KCNQ1: variants seen among roughly 807,000 people sequenced by gnomAD.
The protein encoded by KCNQ1 is potassium voltage-gated channel subfamily Q member 1, also known as potassium voltage-gated channel subfamily KQT member 1.
In KCNQ1, 49 loss-of-function variants were observed where a neutral mutation model predicts 72.4. The ratio of observed to expected loss-of-function variants is 0.68; its 90% CI spans 0.54 to 0.86. The LOEUF (loss-of-function observed/expected upper bound fraction) is 0.86, where lower values mean the gene tolerates loss of function less well. Among genes scored for constraint, KCNQ1 ranks in the 40% least tolerant of loss-of-function variants. KCNQ1 has a pLI of 0.00. For missense variants in KCNQ1, 790 were observed against 945.1 expected (o/e 0.84, Z 2.15); for synonymous variants, 450 against 412.6 (o/e 1.09, Z -1.10).
chr11:2,584,633 G>C lies in KCNQ1; in HGVS notation c.1033-579G>C, dbSNP rs557123745. ...TGTGGGTTACTGTGTGTTAGTGTTT[G>C]TGTGTTAGTGTGTTTTTGTGTGTGT... On this transcript the variant is annotated intron_variant, in intron 7 of 15. Transcript: ENST00000155840. Among the ~76,000 whole-genome samples, 4 of 151,492 alleles carry C rather than the reference G, an allele frequency of 2.6e-5. No individual in the cohort carries two copies. In the South Asian group the frequency reaches 8.4e-4, roughly 32 times the overall value.
rs749815122 is a variant in KCNQ1, at chr11:2,579,621, G to A, written c.922-3814G>A. Among the ~76,000 whole-genome samples, 63 of 152,332 alleles carry A rather than the reference G, an allele frequency of 4.1e-4. No homozygotes were observed. Among genetic ancestry groups the A allele is most frequent in the Non-Finnish European group, 7.1e-4 (48 of 68,030 alleles). Reference sequence around the variant, plus strand: ...AACTTGAGGATGAGGGTCTGGGGCCGGGTCTGGGCAGACAGGCAGACCAGG... The same window carrying A: ...AACTTGAGGATGAGGGTCTGGGGCCAGGTCTGGGCAGACAGGCAGACCAGG... On this transcript the variant is annotated intron_variant, in intron 6 of 15. Transcript: ENST00000155840. This position sits in a 1 kb window ranked among gnomAD's most constrained non-coding sequence, Gnocchi z 6.0.
rs371833577 is a variant in KCNQ1 at position 2,772,236 on chromosome 11, A to G, written c.1590+3317A>G. ...CTGCCTGTCTGCTTGCTTGCACCCC[A>G]CCCCACCCCCGCTGGCCTCAGGGGC... On this transcript the variant is annotated intron_variant, in intron 12 of 15. Coordinates refer to ENST00000155840, the MANE Select transcript of KCNQ1 (RefSeq NM_000218.3). This position sits in a 1 kb window ranked among gnomAD's most constrained non-coding sequence, Gnocchi z 6.6. 4.7e-5 allele frequency among the ~76,000 whole-genome samples: 7 copies of G among 150,286 alleles called. No homozygotes were observed. The East Asian group carries it at 1.4e-3, about 30-fold the overall frequency.
chr11:2,650,322 T>C (rs1849737414), intron 10 of KCNQ1: 1 of 398,640 alleles, frequency 2.5e-6, no homozygotes, highest in Non-Finnish European at 4.4e-6. Context: ...TTTCTTGTTT[T>C]TTTCCCCCCA....
intron 10 of KCNQ1, among the ~76,000 whole-genome samples, chr11:2,606,875 G>GT (rs1848888269): frequency 3.5e-5 from 5 of 143,158 alleles, no homozygotes; most frequent in Admixed American, 3.5e-4. Context: ...TCACTGTTAA[G>GT]TATGATATTA....
chr11:2,754,929 A>C (rs551502420), intron 11 of KCNQ1, among the ~76,000 whole-genome samples: 5 of 152,214 alleles, frequency 3.3e-5, no homozygotes, highest in Non-Finnish European at 5.9e-5. Flanking sequence ...TGGCGATTGC[A>C]CTAGTTTTCT....
intron 11 of KCNQ1, chr11:2,694,692 T>C (rs145803049): frequency 5.8e-5 from 23 of 398,630 alleles, no homozygotes; most frequent in Middle Eastern, 6.3e-4. Context: ...AGATATGCTC[T>C]CTTGGGGCCT....
chr11:2,585,329 G>A, intron 8 of KCNQ1, 22 bp downstream of exon 8: 2 of 1,603,526 alleles, frequency 1.2e-6, no homozygotes, highest in Non-Finnish European at 1.7e-6. Context: ...GCAAGGCCCT[G>A]GTCACTGTCA....
intron 12 of KCNQ1, among the ~76,000 whole-genome samples, chr11:2,771,758 T>C (rs559278743): frequency 3.3e-5 from 5 of 152,068 alleles, no homozygotes; most frequent in Non-Finnish European, 7.4e-5. Context: ...AGAGAGATCA[T>C]CTGCGCCAGC....
At position 2,685,001 on chromosome 11, in the gene KCNQ1, C is replaced by T. The variant is rs1225964399; in HGVS notation, c.1514+22920C>T. ...TTTTACGGACTGGTTGCTTTTCATT[C>T]ATATCTTCTTGCCATCCCTGTCTCA... On this transcript the variant is annotated intron_variant, in intron 11 of 15. Coordinates refer to ENST00000155840, the MANE Select transcript of KCNQ1 (RefSeq NM_000218.3). The T allele has an allele frequency of 7.5e-6, 3 of 398,546 alleles. No individual in the cohort carries two copies. In the East Asian group the frequency reaches 1.1e-4, roughly 14 times the overall value. 24.7% of individuals were successfully genotyped at this position (398,546 alleles called of 1,614,324 possible).
intron 11 of KCNQ1, among the ~76,000 whole-genome samples, chr11:2,702,721 C>G (rs367862890): frequency 6.6e-6 from 1 of 152,194 alleles, no homozygotes; most frequent in African/African-American, 2.4e-5. Flanking sequence ...CTGTGATATT[C>G]CATGGGCACC....
chr11:2,769,127 A>C lies in KCNQ1; in HGVS notation c.1590+208A>C, dbSNP rs1181740296. Reference sequence around the variant, plus strand: ...GGCCCCTCAGAGGACCTATCCTTGGAGGCCCGGCCTGGAACCAGGGACACA... The same window carrying C: ...GGCCCCTCAGAGGACCTATCCTTGGCGGCCCGGCCTGGAACCAGGGACACA... On this transcript the variant is annotated intron_variant, in intron 12 of 15. Transcript: ENST00000155840. This position sits in a 1 kb window ranked among gnomAD's most constrained non-coding sequence, Gnocchi z 4.6. 6.6e-6 allele frequency among the ~76,000 whole-genome samples: 1 copy of C among 152,044 alleles called. No homozygotes were observed. The highest frequency in any genetic ancestry group is 1.5e-5 in the Non-Finnish European group (1 of 68,012).
rs565241613 is a variant in KCNQ1, at chr11:2,543,349, C to T, written c.477+15331C>T. Among the ~76,000 whole-genome samples the T allele has an allele frequency of 5.9e-5, 9 of 152,212 alleles. No individual in the cohort carries two copies. The South Asian group carries it at 1.9e-3, about 32-fold the overall frequency. ...AGTGCAGTGGCGTAAACGTAGCTCACTGCAACCTCGAATTCCTGGGCTCCG... is the reference window on the plus strand; with the variant it reads ...AGTGCAGTGGCGTAAACGTAGCTCATTGCAACCTCGAATTCCTGGGCTCCG... On this transcript the variant is annotated intron_variant, in intron 2 of 15. Coordinates refer to ENST00000155840, the MANE Select transcript of KCNQ1 (RefSeq NM_000218.3). The surrounding 1 kb of genome is among the most constrained non-coding windows in gnomAD (Gnocchi z 5.6).
At chr11:2,625,017 C>T in intron 10 of KCNQ1, 2 of 398,522 alleles carry the variant, frequency 5.0e-6, no homozygotes, top group Non-Finnish European at 8.8e-6. Context: ...GATGTTTTAA[C>T]TGTTGTAAAT....
chr11:2,467,127 G>C (rs1397063071), intron 1 of KCNQ1, among the ~76,000 whole-genome samples: 1 of 152,062 alleles, frequency 6.6e-6, no homozygotes. Context: ...GCCGGGCAGG[G>C]TTGGTCAGCA....
Position 2,492,750 on chromosome 11 carries a change from T to C in KCNQ1, c.387-35178T>C, listed in dbSNP as rs939515696. 2.6e-5 allele frequency among the ~76,000 whole-genome samples: 4 copies of C among 152,244 alleles called. No individual in the cohort carries two copies. The highest frequency in any genetic ancestry group is 2.1e-4 in the South Asian group (1 of 4,836). ...TGCCACATTTTCTTTATCCAGCCTA[T>C]CATTGATGGGCATTTGGGTTGGTTC... On this transcript the variant is annotated intron_variant, in intron 1 of 15. Transcript: ENST00000155840. The surrounding 1 kb of genome is among the most constrained non-coding windows in gnomAD (Gnocchi z 4.1).
Position 2,602,291 on chromosome 11 carries a change from AG to A in KCNQ1, c.1393+13438del, listed in dbSNP as rs1307233531. 1.3e-5 allele frequency among the ~76,000 whole-genome samples: 2 copies of A among 152,048 alleles called. No individual in the cohort carries two copies. Among genetic ancestry groups the A allele is most frequent in the African/African-American group, 2.4e-5 (1 of 41,418 alleles). ...CTAGAACTGTGAGAAAAAAAAAAAA[AG>A]CGTGTCTTGTTTTAAGCCACTAAGT... On this transcript the variant is annotated intron_variant, in intron 10 of 15. Transcript: ENST00000155840. The surrounding 1 kb of genome is among the most constrained non-coding windows in gnomAD (Gnocchi z 4.8).
intron 2 of KCNQ1, among the ~76,000 whole-genome samples, chr11:2,533,319 C>T (rs749241402): frequency 1.3e-5 from 2 of 152,216 alleles, no homozygotes; most frequent in African/African-American, 4.8e-5. Flanking sequence ...GGAATCTGGT[C>T]TCGGCTGGGG....
In KCNQ1 at chr11:2,587,585, T is replaced by C; in HGVS notation, c.1144T>C (p.Tyr382His). 6.2e-7 allele frequency: 1 copy of C among 1,613,794 alleles called. No individual in the cohort carries two copies. The highest frequency in any genetic ancestry group is 1.1e-5 in the South Asian group (1 of 91,084). ...ASLIQTAWRC[Y>H]AAENPDSSTW... ...CCGACCTCAGACCGCATGGAGGTGC[T>C]ATGCTGCCGAGAACCCCGACTCCTC... The change falls in exon 9 of 16, where the codon TAT (tyrosine) becomes CAT (histidine). Residue 382 changes from tyrosine to histidine, a missense_variant. Tyr to His is a moderately conservative substitution (Grantham distance 83). Transcript: ENST00000155840.
At chr11:2,733,253 T>G (rs1275337328) in intron 11 of KCNQ1, among the ~76,000 whole-genome samples, 1 of 135,404 alleles carries the variant, frequency 7.4e-6, no homozygotes, top group African/African-American at 2.7e-5. Flanking sequence ...AGTGCTCCTT[T>G]GTGTGTCCAG....
Sources: allele counts gnomAD v4.1 joint callset (sites outside exome capture counted in the v4.1 genomes callset), GRCh38; gene constraint gnomAD v4.1.1; non-coding constraint Gnocchi (gnomAD v3.1); transcripts MANE v1.5; gene names NCBI Gene and HGNC (gene_info 2026-07-23, HGNC 2026-07-21).